RNF17: variants seen among roughly 807,000 people sequenced by gnomAD.
The protein encoded by RNF17 is ring finger protein 17.
A neutral mutation model predicts 200.5 loss-of-function variants in RNF17; 31 were observed. That is an observed-to-expected ratio of 0.15 (90% CI 0.12 to 0.21). RNF17 has a LOEUF of 0.21. Ranked by LOEUF, RNF17 falls within the 10% of genes least tolerant of loss-of-function variation. The pLI, the probability that RNF17 is intolerant of heterozygous loss-of-function variation, is 1.00. For missense variants in RNF17, 1,628 were observed against 1,905.1 expected (o/e 0.85, Z 2.71); for synonymous variants, 606 against 637.8 (o/e 0.95, Z 0.75).
chr13:24,752,680 G>A, the RNF17 span, among the ~76,000 whole-genome samples: 1 of 152,230 alleles, frequency 6.6e-6, no homozygotes, highest in Non-Finnish European at 1.5e-5. Flanking sequence ...CTGCACTGTG[G>A]ATGGAAGCCG....
intron 15 of RNF17, chr13:24,824,259 G>A: frequency 1.4e-6 from 1 of 707,464 alleles, no homozygotes; most frequent in African/African-American, 1.8e-5. Flanking sequence ...TGTATTGGAA[G>A]AAGAACTTAA....
At chr13:24,759,680 C>A (rs556775540), upstream of RNF17, among the ~76,000 whole-genome samples, 8 of 151,504 alleles carry the variant, frequency 5.3e-5, no homozygotes, top group Admixed American at 3.3e-4. Context: ...CAGAAGCCTA[C>A]CAAAAAGGTA....
chr13:24,844,008 G>A (rs1472416000), intron 20 of RNF17, 37 bp downstream of exon 20: 1 of 614,864 alleles, frequency 1.6e-6, no homozygotes, highest in Non-Finnish European at 2.5e-6. Flanking sequence ...GGAAAATATT[G>A]CATATGATTT....
chr13:24,811,321 C>T (rs868559498), intron 15 of RNF17, among the ~76,000 whole-genome samples: 6,563 of 151,926 alleles, frequency 0.043, 417 homozygotes, highest in African/African-American at 0.15. Flanking sequence ...TCCCATATTT[C>T]TTGGAGGCTT....
chr13:24,772,933 A>C (rs2137496954), intron 2 of RNF17, among the ~76,000 whole-genome samples: 1 of 152,172 alleles, frequency 6.6e-6, no homozygotes, highest in East Asian at 1.9e-4. Flanking sequence ...TTCTTAAAAG[A>C]CATACAACCA....
the RNF17 span, chr13:24,886,348 C>G: frequency 6.2e-6 from 8 of 1,289,220 alleles, no homozygotes; most frequent in South Asian, 8.6e-5. Flanking sequence ...GGTGGTCAGC[C>G]AACAAGCTGC....
intron 29 of RNF17, among the ~76,000 whole-genome samples, chr13:24,865,773 G>T (rs1394788109): frequency 2.0e-5 from 3 of 152,140 alleles, no homozygotes; most frequent in Non-Finnish European, 1.5e-5. Context: ...TGTGGTTGTT[G>T]TGGGTGAGTG....
upstream of RNF17, among the ~76,000 whole-genome samples, chr13:24,762,559 A>G (rs1326458710): frequency 6.6e-6 from 1 of 152,176 alleles, no homozygotes; most frequent in African/African-American, 2.4e-5. Context: ...GATGAGTAGT[A>G]GAATGAGGGT....
intron 28 of RNF17, among the ~76,000 whole-genome samples, chr13:24,864,455 A>G (rs1430002678): frequency 6.6e-6 from 1 of 152,206 alleles, no homozygotes; most frequent in East Asian, 1.9e-4. Flanking sequence ...TTTTAAAGTT[A>G]CCATGATTCC....
upstream of RNF17, among the ~76,000 whole-genome samples, chr13:24,763,369 A>ATTTTTTTTTTTT (rs34750040): frequency 7.2e-4 from 83 of 114,664 alleles, no homozygotes; most frequent in South Asian, 1.5e-3. Context: ...CGTCCGGCTA[A>ATTTTTTTTTTTT]TTTTTTTTTT....
At chr13:24,840,089 A>G (rs1707062570) in intron 18 of RNF17, among the ~76,000 whole-genome samples, 1 of 152,200 alleles carries the variant, frequency 6.6e-6, no homozygotes, top group South Asian at 2.1e-4. Flanking sequence ...GTTCTCAAAA[A>G]AAGATATACA....
chr13:24,806,274 T>G lies in RNF17; in HGVS notation c.2091+1845T>G, dbSNP rs533706582. 1.5e-3 allele frequency among the ~76,000 whole-genome samples: 234 copies of G among 152,330 alleles called. 1 individual carries two copies. The highest frequency in any genetic ancestry group is 5.4e-3 in the African/African-American group (224 of 41,568). On this transcript the variant is annotated intron_variant, in intron 15 of 35. Transcript: ENST00000255324. ...TATCCAGTCTATCATTGATGGGCATTTGGGTTGGTTCCAACTCTTTGCTAT... is the reference window on the plus strand; with the variant it reads ...TATCCAGTCTATCATTGATGGGCATGTGGGTTGGTTCCAACTCTTTGCTAT...
chr13:24,766,815 G>C (rs1288762134), intron 1 of RNF17, among the ~76,000 whole-genome samples: 3 of 152,208 alleles, frequency 2.0e-5, no homozygotes, highest in Admixed American at 6.5e-5. Flanking sequence ...CAGATTCAAA[G>C]TATTCTAGGT....
chr13:24,883,890 T>C (rs1953934368), downstream of RNF17: 1 of 1,587,908 alleles, frequency 6.3e-7, no homozygotes, highest in Non-Finnish European at 8.6e-7. Context: ...AACGCAAGGC[T>C]GGGGCACCTT....
intron 9 of RNF17, among the ~76,000 whole-genome samples, chr13:24,790,354 G>A: frequency 6.6e-6 from 1 of 152,108 alleles, no homozygotes; most frequent in Non-Finnish European, 1.5e-5. Context: ...ATACATAGAT[G>A]CTAAGTCTTA....
intron 18 of RNF17, among the ~76,000 whole-genome samples, chr13:24,839,223 A>T (rs1488738022): frequency 6.6e-6 from 1 of 152,082 alleles, no homozygotes; most frequent in Non-Finnish European, 1.5e-5. Flanking sequence ...TCAATATTGG[A>T]TGGGTAGAAT....
chr13:24,876,975 G>C, intron 33 of RNF17, 22 bp from the exon 34 acceptor site: 1 of 1,555,154 alleles, frequency 6.4e-7, no homozygotes, highest in Admixed American at 2.1e-5. Flanking sequence ...GAATTTTAAT[G>C]TAAGAATTTC....
At chr13:24,875,428 A>T (rs1432063051) in intron 33 of RNF17, among the ~76,000 whole-genome samples, 1 of 152,198 alleles carries the variant, frequency 6.6e-6, no homozygotes, top group Non-Finnish European at 1.5e-5. Flanking sequence ...GGAAAAAAAA[A>T]TTAATCTTGT....
At chr13:24,771,011 T>C (rs1566113017) in intron 2 of RNF17, among the ~76,000 whole-genome samples, 2 of 152,226 alleles carry the variant, frequency 1.3e-5, no homozygotes, top group Admixed American at 6.5e-5. Flanking sequence ...AAATTGTAAT[T>C]CCCTCATGAT....
Sources: gnomAD v4.1 joint callset for allele counts (sites outside exome capture counted in the v4.1 genomes callset) on GRCh38, gnomAD v4.1.1 for gene constraint, MANE v1.5 for transcripts, NCBI Gene and HGNC (gene_info 2026-07-23, HGNC 2026-07-21) for gene names.